PKD1: variants seen among roughly 807,000 people sequenced by gnomAD.
PKD1 encodes polycystin-1.
In PKD1, 81 loss-of-function variants were observed where a neutral mutation model predicts 361.7. That is an observed-to-expected ratio of 0.22 (90% CI 0.19 to 0.27). The LOEUF (loss-of-function observed/expected upper bound fraction) is 0.27, where lower values mean the gene tolerates loss of function less well. PKD1 is among the 10% of genes least tolerant of loss of function. PKD1 has a pLI of 1.00. For synonymous variants in PKD1, 3,615 were observed against 2,818.3 expected, an observed-to-expected ratio of 1.28 and a Z score of -8.95; for missense variants, 6,399 against 6,118.3, an observed-to-expected ratio of 1.05 and a Z score of -1.53.
In PKD1 at chr16:2,100,757, G is replaced by C; in HGVS notation, c.9398-191C>G. On this transcript the variant is annotated intron_variant, in intron 26 of 45. Transcript: ENST00000262304. This position sits in a 1 kb window ranked among gnomAD's most constrained non-coding sequence, Gnocchi z 4.4. ...TGTCCAATTAACAGCAGGACCTCAA[G>C]GACATGATTAAGTTACATGGAAAGA... 1 of 605,090 alleles carries C rather than the reference G, an allele frequency of 1.7e-6. No individual in the cohort carries two copies. The highest frequency in any genetic ancestry group is 3.0e-6 in the Non-Finnish European group (1 of 338,434). 37.5% of individuals were successfully genotyped at this position (605,090 alleles called of 1,614,324 possible). A position where few individuals can be genotyped will look rare whatever the true frequency, so the allele number is the denominator to read the frequency against.
Position 2,115,632 on chromosome 16 carries a change from G to C in PKD1, c.1850-7C>G. Reference sequence around the variant, plus strand: ...CTGCCGTTCTCCGGGGTCCCTGTGAGGAGGGGAGGGTGTTGGGGCCCTGAT... The same window carrying C: ...CTGCCGTTCTCCGGGGTCCCTGTGACGAGGGGAGGGTGTTGGGGCCCTGAT... On this transcript the variant is annotated splice_polypyrimidine_tract_variant and splice_region_variant and intron_variant, in intron 9 of 45. Coordinates refer to ENST00000262304, the MANE Select transcript of PKD1 (RefSeq NM_001009944.3). 1.3e-6 allele frequency: 2 copies of C among 1,597,814 alleles called. No individual in the cohort carries two copies. Among genetic ancestry groups the C allele is most frequent in the Non-Finnish European group, 8.5e-7 (1 of 1,176,166 alleles).
chr16:2,113,478 C>T, intron 11 of PKD1, 186 bp from the exon 12 acceptor site: 3 of 666,374 alleles, frequency 4.5e-6, no homozygotes, highest in Non-Finnish European at 8.0e-6. Context: ...GGCTCTCCAG[C>T]CAGCCATGTA....
At chr16:2,121,153 G>A (rs1293867448) in intron 1 of PKD1, among the ~76,000 whole-genome samples, 2 of 152,096 alleles carry the variant, frequency 1.3e-5, no homozygotes, top group Non-Finnish European at 2.9e-5. Context: ...ATCACCTGAG[G>A]TCAGGAGTTC....
rs147586760 is a variant in PKD1, at chr16:2,110,286, A to T, written c.4881T>A (p.Tyr1627Ter). 6.2e-7 allele frequency: 1 copy of T among 1,612,646 alleles called. No individual in the cohort carries two copies. Among genetic ancestry groups the T allele is most frequent in the Non-Finnish European group, 8.5e-7 (1 of 1,179,846 alleles). The change falls in exon 15 of 46, where the codon TAT becomes TAA. Residue 1627 changes from tyrosine (Y) to a stop codon, truncating the protein, a stop_gained. Coordinates refer to ENST00000262304, the MANE Select transcript of PKD1 (RefSeq NM_001009944.3). LOFTEE classifies it high-confidence loss of function. Reference protein sequence around the residue: ...VGSAQDSIFVYVLQLIEGLQV... With the variant: ...VGSAQDSIFV ...GCAGCCCCTCTATGAGCTGCAGGAC[A>T]TAGACGAAGATGCTGTCCTGGGCGG... is the stretch of plus-strand genomic sequence containing the variant.
At position 2,091,619 on chromosome 16, in the gene PKD1, G is replaced by C. The variant is rs554835114; in HGVS notation, c.11538-22C>G. The C allele has an allele frequency of 3.0e-5, 47 of 1,562,096 alleles. No individual in the cohort carries two copies. In the African/African-American group the frequency reaches 5.8e-4, roughly 19 times the overall value. Reference sequence around the variant, plus strand: ...GCTCCTGCGCAGAGGGTGCGGGTCAGTAGGAGCGGGTGGCAGGGCGGGAGC... The same window carrying C: ...GCTCCTGCGCAGAGGGTGCGGGTCACTAGGAGCGGGTGGCAGGGCGGGAGC... On this transcript the variant is annotated intron_variant, in intron 41 of 45. Coordinates refer to ENST00000262304, the MANE Select transcript of PKD1 (RefSeq NM_001009944.3).
chr16:2,099,671 A>T lies in PKD1; in HGVS notation c.10023T>A (p.Leu3341=). The change falls in exon 30 of 46, where the codon CTT becomes CTA. Residue 3341 remains leucine, a synonymous_variant. Coordinates refer to ENST00000262304, the MANE Select transcript of PKD1 (RefSeq NM_001009944.3). Reference sequence around the variant, plus strand: ...TGCTCCGGGACATCCGGAAGAGAAAAAGGATGGCCAGGTAGACGGGATAGA... The same window carrying T: ...TGCTCCGGGACATCCGGAAGAGAAATAGGATGGCCAGGTAGACGGGATAGA... ...VVVYPVYLAI[L]FLFRMSRSKV... 2 of 1,594,696 alleles carry T rather than the reference A, an allele frequency of 1.3e-6. No homozygotes were observed. Among genetic ancestry groups the T allele is most frequent in the East Asian group, 2.2e-5 (1 of 44,726 alleles).
chr16:2,110,447 C>T lies in PKD1; in HGVS notation c.4720G>A (p.Ala1574Thr), dbSNP rs767157522. The change falls in exon 15 of 46, where the codon GCC (alanine) becomes ACC (threonine). Residue 1574 changes from alanine (A) to threonine (T), a missense_variant. Physicochemically the swap from Ala to Thr is moderately conservative, Grantham distance 58. Coordinates refer to ENST00000262304, the MANE Select transcript of PKD1 (RefSeq NM_001009944.3). Reference protein sequence around the residue: ...GSVSFSTSLEAGSDVRYSWVL... With the variant: ...GSVSFSTSLETGSDVRYSWVL... Reference sequence around the variant, plus strand: ...CAGGAATAGCGCACATCACTGCCGGCCTCCAGCGACGTGCTGAAGCTCACG... The same window carrying T: ...CAGGAATAGCGCACATCACTGCCGGTCTCCAGCGACGTGCTGAAGCTCACG... 1.2e-6 allele frequency: 2 copies of T among 1,612,600 alleles called. No individual in the cohort carries two copies. Among genetic ancestry groups the T allele is most frequent in the Non-Finnish European group, 1.7e-6 (2 of 1,179,852 alleles).
In PKD1 at chr16:2,090,268, C is replaced by T. The variant is rs371749301; in HGVS notation, c.12444+17G>A. 6.2e-6 allele frequency: 10 copies of T among 1,608,752 alleles called. No individual in the cohort carries two copies. Among genetic ancestry groups the T allele is most frequent in the Non-Finnish European group, 8.5e-6 (10 of 1,177,504 alleles). Reference sequence around the variant, plus strand: ...GCCCAGGGCGTGTCCCTCTCCCCCCCACTGGGCCGTACCCACCTCCTTGAC... The same window carrying T: ...GCCCAGGGCGTGTCCCTCTCCCCCCTACTGGGCCGTACCCACCTCCTTGAC... On this transcript the variant is annotated intron_variant, in intron 45 of 45. Coordinates refer to ENST00000262304, the MANE Select transcript of PKD1 (RefSeq NM_001009944.3).
In PKD1 at chr16:2,102,898, T is replaced by A; in HGVS notation, c.8864A>T (p.His2955Leu). The change falls in exon 24 of 46, where the codon CAC (histidine) becomes CTC (leucine). Residue 2955 changes from histidine (H) to leucine (L), a missense_variant. Coordinates refer to ENST00000262304, the MANE Select transcript of PKD1 (RefSeq NM_001009944.3). ...YLHSEPRPNE[H>L]NCSASRRIRP... ...GATCCTCCTGCTAGCCGAGCAGTTG[T>A]GCTCATTGGGCCGGGGCTCCGAGTG... The A allele has an allele frequency of 1.2e-6, 2 of 1,610,060 alleles. No homozygotes were observed. The highest frequency in any genetic ancestry group is 2.2e-5 in the South Asian group (2 of 90,996).
In PKD1 at chr16:2,130,656, T is replaced by C. The variant is rs2092862770; in HGVS notation, c.215+4819A>G. The stretch of plus-strand genomic sequence containing the variant: ...GCCAGCCCCCCAAGGAAGCTGTGTC[T>C]CTGGCAGTTGCGCTCTAAGGCATCA... On this transcript the variant is annotated intron_variant, in intron 1 of 45. Transcript: ENST00000262304. 2.0e-5 allele frequency among the ~76,000 whole-genome samples: 3 copies of C among 152,224 alleles called. No individual in the cohort carries two copies. In the South Asian group the frequency reaches 6.2e-4, roughly 31 times the overall value.
rs1390009839 is a variant in PKD1, at chr16:2,091,329, G to GGGGCC, written c.11712+93_11712+94insGGCCC. The stretch of plus-strand genomic sequence containing the variant: ...GCGGGACGCTGCGAGGGGGCGGGGC[G>GGGGCC]CTGCGAGGGGTGAGACGCTGCCGGG... On this transcript the variant is annotated intron_variant, in intron 42 of 45. Coordinates refer to ENST00000262304, the MANE Select transcript of PKD1 (RefSeq NM_001009944.3). 3.6e-5 allele frequency: 14 copies of GGGGCC among 391,952 alleles called. No homozygotes were observed. In the African/African-American group the frequency reaches 5.2e-4, roughly 15 times the overall value. 24.3% of individuals were successfully genotyped at this position (391,952 alleles called of 1,614,324 possible).
chr16:2,106,322 C>T lies in PKD1; in HGVS notation c.7490-18G>A, dbSNP rs3952945. On this transcript the variant is annotated intron_variant, in intron 18 of 45. Coordinates refer to ENST00000262304, the MANE Select transcript of PKD1 (RefSeq NM_001009944.3). This position sits in a 1 kb window ranked among gnomAD's most constrained non-coding sequence, Gnocchi z 6.5. ...ATGCCAGCCTGAGGGACGGTCCCCA[C>T]GGCATCACGGGAGGGCTCCGTGACG... 86 of 1,606,192 alleles carry T rather than the reference C, an allele frequency of 5.4e-5. No homozygotes were observed. The highest frequency in any genetic ancestry group is 2.7e-4 in the East Asian group (12 of 44,804).
At chr16:2,097,611 G>C in intron 32 of PKD1, 108 bp from the exon 33 acceptor site, 2 of 1,610,014 alleles carry the variant, frequency 1.2e-6, no homozygotes, top group South Asian at 1.1e-5. Context: ...ACCTGCTCCC[G>C]GGTGGTGTGA....
At chr16:2,101,007 A>G (rs1042210436) in intron 26 of PKD1, among the ~76,000 whole-genome samples, 1 of 151,258 alleles carries the variant, frequency 6.6e-6, no homozygotes, top group East Asian at 2.0e-4. Context: ...TTTTTTTGAG[A>G]TGGAGTCTTG....
In PKD1 at chr16:2,092,508, T is replaced by G; in HGVS notation, c.11241A>C (p.Pro3747=). The change falls in exon 39 of 46, where the codon CCA becomes CCC. Residue 3747 remains proline, a synonymous_variant. Coordinates refer to ENST00000262304, the MANE Select transcript of PKD1 (RefSeq NM_001009944.3). ...GNQSSPELGP[P]RLRQVRLQEA... is the part of the protein sequence containing the mutation. ...CCTGCAGCCGCACCTGCCGCAGCCGTGGGGGCCCCAGCTCTGGGCTGGACT... is the reference window on the plus strand; with the variant it reads ...CCTGCAGCCGCACCTGCCGCAGCCGGGGGGGCCCCAGCTCTGGGCTGGACT... The G allele has an allele frequency of 3.7e-6, 6 of 1,612,018 alleles. No individual in the cohort carries two copies. Among genetic ancestry groups the G allele is most frequent in the Non-Finnish European group, 5.1e-6 (6 of 1,179,322 alleles).
In PKD1 at chr16:2,118,108, G is replaced by T. The variant is rs745988311; in HGVS notation, c.884C>A (p.Ala295Asp). ...ASGQLAAFHI[A>D]APLPVTATRW... ...TGTGGCAGTGACAGGGAGCGGGGCA[G>T]CGATGTGGAAGGCTGCTAGCTGGCC... Residue 295 changes from alanine (A) to aspartate (D), a missense_variant, in exon 5 of 46, where the codon GCT becomes GAT. Physicochemically the swap from Ala to Asp is moderately radical, Grantham distance 126. Transcript: ENST00000262304. The surrounding 1 kb of genome is among the most constrained non-coding windows in gnomAD (Gnocchi z 6.0). 6.2e-7 allele frequency: 1 copy of T among 1,605,738 alleles called. No individual in the cohort carries two copies. The highest frequency in any genetic ancestry group is 1.7e-5 in the Admixed American group (1 of 59,706).
At chr16:2,122,243 C>G (rs944868175) in intron 1 of PKD1, among the ~76,000 whole-genome samples, 1 of 152,254 alleles carries the variant, frequency 6.6e-6, no homozygotes, top group African/African-American at 2.4e-5. Flanking sequence ...GCACTGGCTC[C>G]CGGAGCTTCT....
At position 2,108,577 on chromosome 16, in the gene PKD1, C is replaced by T. The variant is rs528956397; in HGVS notation, c.6590G>A (p.Arg2197Gln). The T allele has an allele frequency of 9.6e-6, 15 of 1,563,514 alleles. No individual in the cohort carries two copies. Among genetic ancestry groups the T allele is most frequent in the East Asian group, 7.1e-5 (3 of 42,446 alleles). Residue 2197 changes from arginine (R) to glutamine (Q), a missense_variant, in exon 15 of 46, where the codon CGG becomes CAG. Physicochemically the swap from Arg to Gln is conservative, Grantham distance 43 (BLOSUM62 1). Coordinates refer to ENST00000262304, the MANE Select transcript of PKD1 (RefSeq NM_001009944.3). ...GGCCACACGCGCTGGGCGCCCCGGCCGCTGGCAGCTGGCGGTGCGATACAC... is the reference window on the plus strand; with the variant it reads ...GGCCACACGCGCTGGGCGCCCCGGCTGCTGGCAGCTGGCGGTGCGATACAC... Reference protein sequence around the residue: ...WEVYRTASCQRPGRPARVALP... With the variant: ...WEVYRTASCQQPGRPARVALP...
At chr16:2,093,215 G>A (rs2151705431) in intron 37 of PKD1, 122 bp from the exon 38 acceptor site, 1 of 1,221,812 alleles carries the variant, frequency 8.2e-7, no homozygotes, top group Non-Finnish European at 1.2e-6. Flanking sequence ...CTGGCAGGGG[G>A]CGCCCCAAGA....
Sources: allele counts gnomAD v4.1 joint callset (sites outside exome capture counted in the v4.1 genomes callset), GRCh38; gene constraint gnomAD v4.1.1; non-coding constraint Gnocchi (gnomAD v3.1); transcripts MANE v1.5; gene names NCBI Gene and HGNC (gene_info 2026-07-23, HGNC 2026-07-21).